The following ITPRID2 variants were observed in gnomAD, a reference collection of about 807,000 sequenced individuals.
ITPRID2 encodes the protein protein ITPRID2.
In ITPRID2, 60 loss-of-function variants were observed where a neutral mutation model predicts 124.3. That is an observed-to-expected ratio of 0.48 (90% CI 0.39 to 0.60). The LOEUF (loss-of-function observed/expected upper bound fraction) is 0.60, where lower values mean the gene tolerates loss of function less well. Among genes scored for constraint, ITPRID2 ranks in the 20% least tolerant of loss-of-function variants. The pLI is 0.00. For missense variants in ITPRID2, 1,553 were observed against 1,512.2 expected (o/e 1.03, Z -0.45); for synonymous variants, 521 against 542.9 (o/e 0.96, Z 0.56).
At position 181,916,026 on chromosome 2, in the gene ITPRID2, G is replaced by A; in HGVS notation, c.2386G>A (p.Val796Ile). The A allele has an allele frequency of 6.2e-7, 1 of 1,614,180 alleles. No homozygotes were observed. The highest frequency in any genetic ancestry group is 8.5e-7 in the Non-Finnish European group (1 of 1,180,040). The stretch of plus-strand genomic sequence containing the variant: ...GATGGAACATGATGGTCAGTCTTTA[G>A]TTAAATCGACCATTTTCATCTCTCC... ...RVMEHDGQSL[V>I]KSTIFISPSS... The change falls in exon 11 of 18, where the codon GTT (valine) becomes ATT (isoleucine). Residue 796 changes from valine to isoleucine, a missense_variant. Physicochemically the swap from Val to Ile is conservative, Grantham distance 29. Coordinates refer to ENST00000431877, the MANE Select transcript of ITPRID2 (RefSeq NM_001130445.3).
Position 181,896,066 on chromosome 2 carries a change from T to C in ITPRID2, c.294T>C (p.Ser98=), listed in dbSNP as rs146299529. 943 of 1,612,844 alleles carry C rather than the reference T, an allele frequency of 5.8e-4. 8 individuals carry two copies. In the African/African-American group the frequency reaches 0.012, roughly 20 times the overall value. The change falls in exon 3 of 18, where the codon AGT becomes AGC. Residue 98 remains serine (S), a synonymous_variant. Coordinates refer to ENST00000431877, the MANE Select transcript of ITPRID2 (RefSeq NM_001130445.3). This position sits in a 1 kb window ranked among gnomAD's most constrained non-coding sequence, Gnocchi z 4.3. ...GAGCCTCACTGGATGAACAAAGCAG[T>C]AGTACACTCAAGGGTAAGAGAAGGT... ...PLGASLDEQS[S]STLKGVLVRN...
At chr2:181,911,426 A>T (rs1476564152) in intron 9 of ITPRID2, among the ~76,000 whole-genome samples, 1 of 152,240 alleles carries the variant, frequency 6.6e-6, no homozygotes, top group East Asian at 1.9e-4. Flanking sequence ...GTTTGTTACA[A>T]GTTAGCATTC....
Position 181,919,469 on chromosome 2 carries a change from G to A in ITPRID2, c.3144+23G>A, listed in dbSNP as rs779924906. 4 of 1,518,782 alleles carry A rather than the reference G, an allele frequency of 2.6e-6. No individual in the cohort carries two copies. Among genetic ancestry groups the A allele is most frequent in the East Asian group, 2.4e-5 (1 of 42,350 alleles). The allele number at this position is 1,518,782 out of a possible 1,614,324, so 94.1% of individuals were successfully genotyped here. On this transcript the variant is annotated intron_variant, in intron 14 of 17. Coordinates refer to ENST00000431877, the MANE Select transcript of ITPRID2 (RefSeq NM_001130445.3). This position sits in a 1 kb window ranked among gnomAD's most constrained non-coding sequence, Gnocchi z 4.2. ...ATGGTACGCTACCTGGAGGGTGGTCGGAGTTTTCACCAAAGGTTTATTTAT... is the reference window on the plus strand; with the variant it reads ...ATGGTACGCTACCTGGAGGGTGGTCAGAGTTTTCACCAAAGGTTTATTTAT...
intron 8 of ITPRID2, among the ~76,000 whole-genome samples, chr2:181,909,011 A>G (rs916663956): frequency 6.6e-6 from 1 of 152,176 alleles, no homozygotes; most frequent in Admixed American, 6.5e-5. Flanking sequence ...GTTGACATAG[A>G]GTTAATTATG....
chr2:181,915,818 A>C lies in ITPRID2; in HGVS notation c.2178A>C (p.Leu726Phe). Residue 726 changes from leucine (L) to phenylalanine (F), a missense_variant, in exon 11 of 18, where the codon TTA (leucine) becomes TTC (phenylalanine). Coordinates refer to ENST00000431877, the MANE Select transcript of ITPRID2 (RefSeq NM_001130445.3). The part of the protein sequence containing the change: ...KSKDLLKQRY[L>F]FAKAGYPLRR... Reference sequence around the variant, plus strand: ...AAGATTTGTTAAAACAAAGGTACTTATTTGCAAAAGCTGGCTATCCTCTAA... The same window carrying C: ...AAGATTTGTTAAAACAAAGGTACTTCTTTGCAAAAGCTGGCTATCCTCTAA... 1 of 1,614,188 alleles carries C rather than the reference A, an allele frequency of 6.2e-7. No homozygotes were observed. Among genetic ancestry groups the C allele is most frequent in the Non-Finnish European group, 8.5e-7 (1 of 1,180,020 alleles).
chr2:181,906,798 G>A (rs552413495), intron 8 of ITPRID2, among the ~76,000 whole-genome samples: 36 of 152,114 alleles, frequency 2.4e-4, no homozygotes, highest in African/African-American at 7.9e-4. Flanking sequence ...GTCAGAGGCC[G>A]TTAGCCAGTA....
intron 13 of ITPRID2, 102 bp downstream of exon 13, chr2:181,918,984 C>T: frequency 7.0e-7 from 1 of 1,424,542 alleles, no homozygotes. Context: ...CTGCTGTGTA[C>T]CTTGTATCTG....
intron 9 of ITPRID2, among the ~76,000 whole-genome samples, chr2:181,913,468 C>T (rs1212465894): frequency 6.6e-6 from 1 of 152,136 alleles, no homozygotes; most frequent in Non-Finnish European, 1.5e-5. Flanking sequence ...TACATATTTA[C>T]ATAATGGAAA....
At position 181,902,327 on chromosome 2, in the gene ITPRID2, GC is replaced by G; in HGVS notation, c.1276del (p.His426ThrfsTer10). On this transcript the variant is annotated frameshift_variant, in exon 8 of 18. Coordinates refer to ENST00000431877, the MANE Select transcript of ITPRID2 (RefSeq NM_001130445.3). LOFTEE classifies it high-confidence loss of function. This position sits in a 1 kb window ranked among gnomAD's most constrained non-coding sequence, Gnocchi z 4.4. ...TTAGATAGTGATTTCAACATATCCA[GC>G]CACAGTGAGCTGGAAAATAGCAGTG... ...SKLDSDFNISSHSELENSSEL... is the reference protein window; with the variant it reads ...SKLDSDFNISXHSELENSSEL... 1 of 1,613,936 alleles carries G rather than the reference GC, an allele frequency of 6.2e-7. No individual in the cohort carries two copies. The highest frequency in any genetic ancestry group is 8.5e-7 in the Non-Finnish European group (1 of 1,179,916).
In ITPRID2 at chr2:181,892,023, C is replaced by T. The variant is rs1331027540; in HGVS notation, c.-44C>T. ...GCGGGGGTCCCTGCCGCCGCCTTGT[C>T]TCGCGCAGGGTCCGGCTGGGGTAGC... On this transcript the variant is annotated 5_prime_UTR_variant, in exon 1 of 18. Transcript: ENST00000431877. The surrounding 1 kb of genome is among the most constrained non-coding windows in gnomAD (Gnocchi z 5.2). 1 of 1,538,008 alleles carries T rather than the reference C, an allele frequency of 6.5e-7. No individual in the cohort carries two copies. The highest frequency in any genetic ancestry group is 8.8e-7 in the Non-Finnish European group (1 of 1,140,498).
chr2:181,905,077 G>A lies in ITPRID2; in HGVS notation c.1413+2611G>A, dbSNP rs978585865. Among the ~76,000 whole-genome samples the A allele has an allele frequency of 3.4e-5, 5 of 145,048 alleles. No individual in the cohort carries two copies. Among genetic ancestry groups the A allele is most frequent in the Non-Finnish European group, 7.5e-5 (5 of 67,018 alleles). The stretch of plus-strand genomic sequence containing the variant: ...TTTCTTTTTTTTTTTTTTTTGAGAC[G>A]GAGTCGCGCATTGTCACCCGGGAGT... On this transcript the variant is annotated intron_variant, in intron 8 of 17. Transcript: ENST00000431877. The surrounding 1 kb of genome is among the most constrained non-coding windows in gnomAD (Gnocchi z 4.1).
chr2:181,904,095 C>T (rs1692897187), intron 8 of ITPRID2, among the ~76,000 whole-genome samples: 1 of 151,988 alleles, frequency 6.6e-6, no homozygotes. Context: ...TCTAAAATTC[C>T]TGAATTCTAA....
chr2:181,897,910 A>G (rs1371794463), intron 4 of ITPRID2, among the ~76,000 whole-genome samples: 1 of 152,018 alleles, frequency 6.6e-6, no homozygotes, highest in Non-Finnish European at 1.5e-5. Flanking sequence ...TTCAAGCTCT[A>G]TAAAGAGCTT....
Position 181,892,895 on chromosome 2 carries a change from C to T in ITPRID2, c.257+235C>T, listed in dbSNP as rs1691880285. The T allele has an allele frequency of 3.4e-6, 2 of 585,792 alleles. No homozygotes were observed. Among genetic ancestry groups the T allele is most frequent in the Non-Finnish European group, 6.1e-6 (2 of 326,902 alleles). 36.3% of individuals were successfully genotyped at this position (585,792 alleles called of 1,614,324 possible). On this transcript the variant is annotated intron_variant, in intron 2 of 17. Transcript: ENST00000431877. The surrounding 1 kb of genome is among the most constrained non-coding windows in gnomAD (Gnocchi z 5.2). Reference sequence around the variant, plus strand: ...GTTAGGACTTGAGCTACTCACGCATCGTGTTAGCATCAGAGATCAGAAATC... The same window carrying T: ...GTTAGGACTTGAGCTACTCACGCATTGTGTTAGCATCAGAGATCAGAAATC...
At chr2:181,895,299 T>C (rs905896152) in intron 2 of ITPRID2, among the ~76,000 whole-genome samples, 8 of 152,112 alleles carry the variant, frequency 5.3e-5, no homozygotes, top group African/African-American at 1.9e-4. Context: ...AAAGTGTTTA[T>C]TTTTGTATTT....
chr2:181,906,242 T>C (rs1412035827), intron 8 of ITPRID2, among the ~76,000 whole-genome samples: 6 of 152,160 alleles, frequency 3.9e-5, no homozygotes, highest in Admixed American at 2.6e-4. Flanking sequence ...CTTCACCATC[T>C]TTCTGAGGGC....
intron 2 of ITPRID2, among the ~76,000 whole-genome samples, 156 bp from the exon 3 acceptor site, chr2:181,895,874 T>TA (rs1332150084): frequency 1.3e-5 from 2 of 152,040 alleles, no homozygotes; most frequent in Admixed American, 6.5e-5. Flanking sequence ...GAATATTACT[T>TA]ATGTAATCTA....
intron 17 of ITPRID2, among the ~76,000 whole-genome samples, chr2:181,928,981 C>T (rs573044219): frequency 6.6e-6 from 1 of 152,142 alleles, no homozygotes; most frequent in South Asian, 2.1e-4. Context: ...TTTAAAGAAA[C>T]ATATCCCATA....
intron 14 of ITPRID2, 22 bp from the exon 15 acceptor site, chr2:181,920,575 T>C: frequency 1.3e-6 from 2 of 1,580,434 alleles, no homozygotes; most frequent in East Asian, 2.2e-5. Flanking sequence ...TATACATATA[T>C]ATATTGTTCT....
Sources: allele counts gnomAD v4.1 joint callset (sites outside exome capture counted in the v4.1 genomes callset), GRCh38; gene constraint gnomAD v4.1.1; non-coding constraint Gnocchi (gnomAD v3.1); transcripts MANE v1.5; gene names NCBI Gene and HGNC (gene_info 2026-07-23, HGNC 2026-07-21).